The following UNC5C variants were observed in gnomAD, a reference collection of about 807,000 sequenced individuals.
The protein encoded by UNC5C is netrin receptor UNC5C.
In UNC5C, 47 loss-of-function variants were observed where a neutral mutation model predicts 99.8. That is an observed-to-expected ratio of 0.47 (90% CI 0.37 to 0.60). The LOEUF (loss-of-function observed/expected upper bound fraction) is 0.60. Among genes scored for constraint, UNC5C ranks in the 20% least tolerant of loss-of-function variants. The pLI is 0.00. For missense variants in UNC5C, 1,062 were observed against 1,165.9 expected (o/e 0.91, Z 1.30); for synonymous variants, 487 against 452.2 (o/e 1.08, Z -0.98).
chr4:95,445,825 T>C (rs780971253), intron 1 of UNC5C, among the ~76,000 whole-genome samples: 1 of 152,140 alleles, frequency 6.6e-6, no homozygotes, highest in Admixed American at 6.5e-5. Context: ...CTTCAGCTGC[T>C]CAGTGAAACA....
At chr4:95,544,439 C>T (rs1723007052) in intron 1 of UNC5C, among the ~76,000 whole-genome samples, 1 of 152,168 alleles carries the variant, frequency 6.6e-6, no homozygotes, top group Non-Finnish European at 1.5e-5. Context: ...CCCCCACCCA[C>T]CACTCACATT....
intron 4 of UNC5C, among the ~76,000 whole-genome samples, chr4:95,272,553 C>T (rs759724431): frequency 1.3e-4 from 20 of 152,124 alleles, no homozygotes; most frequent in African/African-American, 4.6e-4. Flanking sequence ...CATACTTTTT[C>T]ACCCCAAAAA....
chr4:95,240,054 C>T (rs1560748490), intron 7 of UNC5C, among the ~76,000 whole-genome samples: 1 of 152,098 alleles, frequency 6.6e-6, no homozygotes, highest in Non-Finnish European at 1.5e-5. Context: ...AGTAGACTAG[C>T]TTTATTTTGA....
Position 95,245,053 on chromosome 4 carries a change from G to A in UNC5C, c.867C>T (p.Asn289=). 2 of 1,614,096 alleles carry A rather than the reference G, an allele frequency of 1.2e-6. No homozygotes were observed. Among genetic ancestry groups the A allele is most frequent in the Non-Finnish European group, 1.7e-6 (2 of 1,180,008 alleles). ...GYQKRTRTCT[N]PAPLNGGAFC... is the part of the protein sequence containing the mutation. Reference sequence around the variant, plus strand: ...AGGCACCCCCATTGAGTGGTGCCGGGTTGGTACAAGTCCTTGTACGTTTCT... The same window carrying A: ...AGGCACCCCCATTGAGTGGTGCCGGATTGGTACAAGTCCTTGTACGTTTCT... Residue 289 remains asparagine (N), a synonymous_variant, in exon 6 of 16, where the codon AAC becomes AAT. Coordinates refer to ENST00000453304, the MANE Select transcript of UNC5C (RefSeq NM_003728.4).
At chr4:95,525,880 A>G (rs1722487469) in intron 1 of UNC5C, among the ~76,000 whole-genome samples, 1 of 152,164 alleles carries the variant, frequency 6.6e-6, no homozygotes, top group Non-Finnish European at 1.5e-5. Flanking sequence ...TCCCGGTTTA[A>G]CAAATCTTAA....
intron 1 of UNC5C, among the ~76,000 whole-genome samples, chr4:95,481,993 G>C (rs1025300990): frequency 6.6e-6 from 1 of 152,042 alleles, no homozygotes; most frequent in African/African-American, 2.4e-5. Flanking sequence ...GGCAACAAAA[G>C]CCAAAATTGA....
At chr4:95,431,312 T>G (rs1746629164) in intron 1 of UNC5C, among the ~76,000 whole-genome samples, 1 of 152,110 alleles carries the variant, frequency 6.6e-6, no homozygotes, top group African/African-American at 2.4e-5. Context: ...CAGAATCATC[T>G]CGAAAGCCTG....
intron 1 of UNC5C, among the ~76,000 whole-genome samples, chr4:95,384,881 T>C (rs557228794): frequency 1.3e-5 from 2 of 152,258 alleles, no homozygotes; most frequent in South Asian, 4.1e-4. Context: ...TCTGATTGTA[T>C]GTGGTTACTA....
At chr4:95,460,614 C>A (rs1443064363) in intron 1 of UNC5C, among the ~76,000 whole-genome samples, 3 of 152,176 alleles carry the variant, frequency 2.0e-5, no homozygotes, top group African/African-American at 7.2e-5. Context: ...TGCCTTTTGT[C>A]TTCTGCCACG....
chr4:95,174,386 A>G (rs1052975817), intron 14 of UNC5C, among the ~76,000 whole-genome samples: 2 of 152,178 alleles, frequency 1.3e-5, no homozygotes, highest in African/African-American at 4.8e-5. Flanking sequence ...TTAAAGTGCT[A>G]TAAATTTCCC....
intron 1 of UNC5C, among the ~76,000 whole-genome samples, chr4:95,439,928 A>C (rs1390969858): frequency 6.6e-6 from 1 of 152,198 alleles, no homozygotes; most frequent in Admixed American, 6.5e-5. Flanking sequence ...AAGGAGAGGA[A>C]AAAAAGAGAG....
At chr4:95,404,395 T>C (rs773919136) in intron 1 of UNC5C, among the ~76,000 whole-genome samples, 2 of 152,074 alleles carry the variant, frequency 1.3e-5, no homozygotes, top group African/African-American at 4.8e-5. Flanking sequence ...TTAAAAGCAT[T>C]ATAAGGTCAG....
intron 1 of UNC5C, among the ~76,000 whole-genome samples, chr4:95,351,598 T>C (rs762457660): frequency 1.3e-5 from 2 of 151,980 alleles, no homozygotes; most frequent in Non-Finnish European, 2.9e-5. Flanking sequence ...GGAGGAAGGA[T>C]TGCTTGAGCC....
At chr4:95,387,285 C>A (rs1745238731) in intron 1 of UNC5C, among the ~76,000 whole-genome samples, 2 of 152,062 alleles carry the variant, frequency 1.3e-5, no homozygotes, top group South Asian at 4.1e-4. Context: ...ACTATAGGCA[C>A]CCACCCTTAT....
intron 1 of UNC5C, among the ~76,000 whole-genome samples, chr4:95,428,350 A>G (rs1272608431): frequency 6.6e-6 from 1 of 152,158 alleles, no homozygotes; most frequent in Non-Finnish European, 1.5e-5. Context: ...GTCAAGCCCT[A>G]TTTTCTGAAA....
At chr4:95,380,740 A>G (rs1745046273) in intron 1 of UNC5C, among the ~76,000 whole-genome samples, 1 of 152,194 alleles carries the variant, frequency 6.6e-6, no homozygotes, top group South Asian at 2.1e-4. Flanking sequence ...AACGTGCTGG[A>G]CTAAAACCTT....
intron 1 of UNC5C, among the ~76,000 whole-genome samples, chr4:95,483,256 T>G (rs1721222901): frequency 6.6e-6 from 1 of 151,690 alleles, no homozygotes; most frequent in Non-Finnish European, 1.5e-5. Context: ...TCTTTGACAG[T>G]TCACCTCCTG....
In UNC5C at chr4:95,206,396, T is replaced by C. The variant is rs753243756; in HGVS notation, c.1902+232A>G. ...AAAAGGAACATGTCTACAACTCTTA[T>C]GTGCACCTTTCCTATGAGTTATCTA... On this transcript the variant is annotated intron_variant, in intron 11 of 15. Coordinates refer to ENST00000453304, the MANE Select transcript of UNC5C (RefSeq NM_003728.4). Among the ~76,000 whole-genome samples, 112 of 152,264 alleles carry C rather than the reference T, an allele frequency of 7.4e-4. 1 individual carries two copies. Among genetic ancestry groups the C allele is most frequent in the Non-Finnish European group, 1.5e-3 (105 of 68,022 alleles).
chr4:95,366,691 A>G (rs889164722), intron 1 of UNC5C, among the ~76,000 whole-genome samples: 2 of 152,194 alleles, frequency 1.3e-5, no homozygotes, highest in African/African-American at 4.8e-5. Context: ...ATAGCTCCAG[A>G]TGACAACCCT....
Sources: gnomAD v4.1 joint callset for allele counts (sites outside exome capture counted in the v4.1 genomes callset) on GRCh38, gnomAD v4.1.1 for gene constraint, MANE v1.5 for transcripts, NCBI Gene and HGNC (gene_info 2026-07-23, HGNC 2026-07-21) for gene names.